The following LRP1B variants were observed in gnomAD, a reference collection of about 807,000 sequenced individuals.
LRP1B encodes low-density lipoprotein receptor-related protein 1B.
A neutral mutation model predicts 556.6 loss-of-function variants in LRP1B; 217 were observed. That is an observed-to-expected ratio of 0.39 (90% CI 0.35 to 0.44). The LOEUF (loss-of-function observed/expected upper bound fraction) is 0.44, where lower values mean the gene tolerates loss of function less well. Ranked by LOEUF, LRP1B falls within the 20% of genes least tolerant of loss-of-function variation. The probability of loss-of-function intolerance (pLI) is 1.00; values close to 1 mark genes in which losing one functional copy is unlikely to be tolerated. For synonymous variants in LRP1B, 2,047 were observed against 1,865.8 expected, an observed-to-expected ratio of 1.10 and a Z score of -2.50; for missense variants, 5,053 against 5,620.8, an observed-to-expected ratio of 0.90 and a Z score of 3.23.
intron 1 of LRP1B, among the ~76,000 whole-genome samples, chr2:142,089,511 G>A (rs1706079648): frequency 6.6e-6 from 1 of 152,144 alleles, no homozygotes; most frequent in Admixed American, 6.5e-5. Flanking sequence ...CCATGCTTCA[G>A]GCACAGAACA....
chr2:142,019,507 C>T (rs1703262549), intron 1 of LRP1B, among the ~76,000 whole-genome samples: 1 of 152,122 alleles, frequency 6.6e-6, no homozygotes, highest in Non-Finnish European at 1.5e-5. Flanking sequence ...TATTGTCACT[C>T]CTTGCTTACT....
chr2:141,160,275 AAT>A (rs1317988622), intron 7 of LRP1B, among the ~76,000 whole-genome samples: 1 of 152,162 alleles, frequency 6.6e-6, no homozygotes, highest in East Asian at 1.9e-4. Flanking sequence ...AGTGCTGGAG[AAT>A]ATGTCTGAAC....
chr2:141,589,316 G>A (rs1222637780), intron 2 of LRP1B, among the ~76,000 whole-genome samples: 1 of 152,064 alleles, frequency 6.6e-6, no homozygotes, highest in African/African-American at 2.4e-5. Context: ...CTTCCATAGC[G>A]ACCTCTGACC....
chr2:140,926,452 C>A (rs1488150443), intron 20 of LRP1B, among the ~76,000 whole-genome samples: 1 of 152,014 alleles, frequency 6.6e-6, no homozygotes, highest in African/African-American at 2.4e-5. Context: ...TACAGTTCTC[C>A]CACCTCAGCC....
At chr2:141,237,926 T>C (rs1158899008) in intron 5 of LRP1B, among the ~76,000 whole-genome samples, 2 of 152,156 alleles carry the variant, frequency 1.3e-5, no homozygotes, top group African/African-American at 4.8e-5. Context: ...GGGGACTGTT[T>C]GAATATGAAC....
intron 79 of LRP1B, among the ~76,000 whole-genome samples, chr2:140,327,083 A>G (rs1388980527): frequency 2.6e-5 from 4 of 152,144 alleles, no homozygotes; most frequent in Admixed American, 6.6e-5. Context: ...CATATTGCAT[A>G]CTTCGGAAGT....
intron 35 of LRP1B, among the ~76,000 whole-genome samples, chr2:140,747,925 A>T (rs531102818): frequency 6.6e-6 from 1 of 151,526 alleles, no homozygotes; most frequent in Admixed American, 6.6e-5. Flanking sequence ...GACTATTTTC[A>T]AGGTATGCAA....
intron 2 of LRP1B, among the ~76,000 whole-genome samples, chr2:141,601,351 A>C (rs990120579): frequency 1.3e-5 from 2 of 152,114 alleles, no homozygotes; most frequent in Non-Finnish European, 2.9e-5. Context: ...TGCTGTACCT[A>C]TAAGTACCAT....
At chr2:140,440,516 C>T (rs1686377953) in intron 66 of LRP1B, among the ~76,000 whole-genome samples, 2 of 151,994 alleles carry the variant, frequency 1.3e-5, no homozygotes, top group African/African-American at 4.8e-5. Flanking sequence ...GAGAATCATC[C>T]CAGGGAGTTT....
intron 71 of LRP1B, among the ~76,000 whole-genome samples, chr2:140,365,608 C>CA (rs1366940779): frequency 6.6e-6 from 1 of 151,412 alleles, no homozygotes; most frequent in Admixed American, 6.6e-5. Flanking sequence ...CTCTGGGACT[C>CA]AATGTTTTTA....
At chr2:141,276,751 G>A (rs1334453060) in intron 3 of LRP1B, among the ~76,000 whole-genome samples, 4 of 148,824 alleles carry the variant, frequency 2.7e-5, no homozygotes, top group African/African-American at 5.0e-5. Context: ...CCGCCTCCCC[G>A]GTTCACGCCA....
chr2:141,813,280 T>C (rs1020844931), intron 1 of LRP1B, among the ~76,000 whole-genome samples: 7 of 152,062 alleles, frequency 4.6e-5, no homozygotes, highest in East Asian at 3.9e-4. Flanking sequence ...ATAAACCTTA[T>C]TGAGAAAAAT....
intron 1 of LRP1B, among the ~76,000 whole-genome samples, chr2:142,115,442 T>A (rs1029386752): frequency 8.2e-6 from 1 of 122,680 alleles, no homozygotes; most frequent in South Asian, 2.3e-4. Context: ...AAATAAAATA[T>A]CTGTGAGTCT....
chr2:142,068,667 G>T (rs960496186), intron 1 of LRP1B, among the ~76,000 whole-genome samples: 14 of 151,200 alleles, frequency 9.3e-5, no homozygotes, highest in Non-Finnish European at 1.8e-4. Flanking sequence ...GCAATATCCT[G>T]AAGGACAAGG....
Position 141,229,404 on chromosome 2 carries a change from T to C in LRP1B, c.629A>G (p.Asn210Ser). The C allele has an allele frequency of 1.2e-6, 2 of 1,601,482 alleles. No individual in the cohort carries two copies. The highest frequency in any genetic ancestry group is 1.7e-6 in the Non-Finnish European group (2 of 1,169,524). Residue 210 changes from asparagine (N) to serine (S), a missense_variant, in exon 6 of 91, where the codon AAT becomes AGT. By Grantham distance (46) the Asn-to-Ser change is conservative. Around this residue, in one of 5 missense-constraint regions of LRP1B, gnomAD observed 3,619 missense variants for 3,931.9 expected, o/e 0.92. Transcript: ENST00000389484. ...TDRPPILLIA[N>S]FETIEVFYLN... is the part of the protein sequence containing the mutation. The stretch of plus-strand genomic sequence containing the variant: ...ATAGAAAACCTCAATTGTTTCAAAA[T>C]TTGCAATTAATAGTATAGGTGGTCT...
intron 2 of LRP1B, among the ~76,000 whole-genome samples, chr2:141,554,896 T>G (rs1685905326): frequency 6.6e-6 from 1 of 151,902 alleles, no homozygotes; most frequent in African/African-American, 2.4e-5. Flanking sequence ...ATCAGAATCT[T>G]TAGAGGTAAG....
chr2:140,781,701 T>C (rs1425425123), intron 32 of LRP1B, among the ~76,000 whole-genome samples: 1 of 152,226 alleles, frequency 6.6e-6, no homozygotes, highest in East Asian at 1.9e-4. Context: ...TTATTTATGA[T>C]GGTTTCCATA....
At chr2:141,991,549 CTA>C (rs2105115823) in intron 1 of LRP1B, among the ~76,000 whole-genome samples, 1 of 152,078 alleles carries the variant, frequency 6.6e-6, no homozygotes, top group East Asian at 1.9e-4. Flanking sequence ...ATATAAGTAA[CTA>C]TTTTACATGT....
intron 3 of LRP1B, among the ~76,000 whole-genome samples, chr2:141,352,861 A>T (rs1432693368): frequency 6.6e-6 from 1 of 151,978 alleles, no homozygotes; most frequent in Admixed American, 6.6e-5. Flanking sequence ...GTTGGAGTAG[A>T]CAAGAAGCAG....
Sources: gnomAD v4.1 joint callset for allele counts (sites outside exome capture counted in the v4.1 genomes callset) on GRCh38, gnomAD v4.1.1 for gene constraint, gnomAD v4.1.1 regional missense constraint, MANE v1.5 for transcripts, NCBI Gene and HGNC (gene_info 2026-07-23, HGNC 2026-07-21) for gene names.